NPEPPS: variants seen among roughly 807,000 people sequenced by gnomAD.
NPEPPS encodes the protein puromycin-sensitive aminopeptidase.
In NPEPPS, 14 loss-of-function variants were observed where a neutral mutation model predicts 115.5. That is an observed-to-expected ratio of 0.12 (90% CI 0.08 to 0.19). NPEPPS has a LOEUF of 0.19. Among genes scored for constraint, NPEPPS ranks in the 10% least tolerant of loss-of-function variants. The pLI is 1.00. For missense variants in NPEPPS, 523 were observed against 1,110.8 expected (o/e 0.47, Z 7.52); for synonymous variants, 285 against 390.6 (o/e 0.73, Z 3.19).
intron 1 of NPEPPS, 116 bp from the exon 2 acceptor site, chr17:47,545,793 T>C: frequency 6.8e-7 from 1 of 1,466,626 alleles, no homozygotes; most frequent in Non-Finnish European, 9.2e-7. Context: ...GCGATCCTCT[T>C]TGCTTGGCCT....
chr17:47,612,045 A>G (rs1913904294), intron 17 of NPEPPS, among the ~76,000 whole-genome samples: 2 of 152,164 alleles, frequency 1.3e-5, no homozygotes, highest in East Asian at 3.8e-4. Context: ...GACCCATCAG[A>G]TTTTGATTTT....
At chr17:47,621,491 T>TGGA (rs1164452200) in intron 22 of NPEPPS, among the ~76,000 whole-genome samples, 1 of 152,202 alleles carries the variant, frequency 6.6e-6, no homozygotes, top group East Asian at 1.9e-4. Context: ...CCAAAGACTA[T>TGGA]ATTTACCACT....
intron 4 of NPEPPS, chr17:47,580,420 A>G (rs1293462225): frequency 3.9e-5 from 6 of 152,110 alleles, no homozygotes; most frequent in Admixed American, 3.9e-4. Context: ...TTTTAGGAGA[A>G]GGTATGTGGG....
chr17:47,563,287 C>G (rs1910568671), intron 2 of NPEPPS, among the ~76,000 whole-genome samples: 1 of 152,084 alleles, frequency 6.6e-6, no homozygotes, highest in Admixed American at 6.6e-5. Context: ...CCATCTTGAC[C>G]TCCCAAAGTC....
chr17:47,527,932 G>T (rs1440871015), upstream of NPEPPS, among the ~76,000 whole-genome samples: 1 of 146,148 alleles, frequency 6.8e-6, no homozygotes, highest in Non-Finnish European at 1.5e-5. Context: ...TGGGCAACAA[G>T]ATCGAAACTC....
At chr17:47,535,368 A>G (rs1467860475) in intron 1 of NPEPPS, among the ~76,000 whole-genome samples, 1 of 146,442 alleles carries the variant, frequency 6.8e-6, no homozygotes, top group Admixed American at 6.9e-5. Flanking sequence ...TGGCTAACCC[A>G]GTGAAACCCC....
At chr17:47,538,042 C>T (rs1183895291) in intron 1 of NPEPPS, among the ~76,000 whole-genome samples, 2 of 149,234 alleles carry the variant, frequency 1.3e-5, no homozygotes, top group Non-Finnish European at 3.0e-5. Flanking sequence ...TACAGGCATG[C>T]ACCACCACGC....
At chr17:47,534,372 C>T (rs1908041828) in intron 1 of NPEPPS, among the ~76,000 whole-genome samples, 1 of 152,132 alleles carries the variant, frequency 6.6e-6, no homozygotes, top group Non-Finnish European at 1.5e-5. Context: ...AGCCACTGTG[C>T]CCGGCGACAA....
chr17:47,599,784 A>G, intron 14 of NPEPPS, 45 bp downstream of exon 14: 1 of 1,396,522 alleles, frequency 7.2e-7, no homozygotes, highest in Non-Finnish European at 9.9e-7. Context: ...GAATTTGGAT[A>G]TTAACTAATA....
At chr17:47,542,729 G>A (rs1597817200) in intron 1 of NPEPPS, among the ~76,000 whole-genome samples, 1 of 152,050 alleles carries the variant, frequency 6.6e-6, no homozygotes, top group Non-Finnish European at 1.5e-5. Context: ...GTGATTTAGG[G>A]CATCTGTGTT....
rs191066631 is a variant in NPEPPS, at chr17:47,613,586, A to G, written c.2239-83A>G. The G allele has an allele frequency of 8.7e-4, 1,018 of 1,166,974 alleles. 3 individuals carry two copies. The African/African-American group carries it at 0.012, about 13-fold the overall frequency. 72.3% of individuals were successfully genotyped at this position (1,166,974 alleles called of 1,614,324 possible). On this transcript the variant is annotated intron_variant, in intron 18 of 22. Coordinates refer to ENST00000322157, the MANE Select transcript of NPEPPS (RefSeq NM_006310.4). ...CCGGCCAACATTTACAATATTGTTT[A>G]CTTGCTTTCTGTCTTTTCTTAGTAT...
intron 9 of NPEPPS, among the ~76,000 whole-genome samples, chr17:47,590,456 CAAAA>C (rs59183684): frequency 7.4e-6 from 1 of 136,000 alleles, no homozygotes; most frequent in African/African-American, 2.8e-5. Context: ...GACTTTGTCT[CAAAA>C]AAAAAAAAAA....
chr17:47,560,891 G>T (rs1285075927), intron 2 of NPEPPS, among the ~76,000 whole-genome samples: 8 of 152,142 alleles, frequency 5.3e-5, no homozygotes, highest in Non-Finnish European at 1.2e-4. Context: ...GGGCTATATA[G>T]AATTATGTGG....
intron 12 of NPEPPS, among the ~76,000 whole-genome samples, chr17:47,595,081 C>T (rs1450098254): frequency 6.6e-6 from 1 of 152,136 alleles, no homozygotes; most frequent in South Asian, 2.1e-4. Flanking sequence ...CAGGTGTGTG[C>T]CACCATGCCC....
At chr17:47,572,052 C>G (rs1472701923) in intron 3 of NPEPPS, among the ~76,000 whole-genome samples, 3 of 152,096 alleles carry the variant, frequency 2.0e-5, no homozygotes, top group Non-Finnish European at 2.9e-5. Flanking sequence ...CAGCCACTCT[C>G]TGTATCATGC....
Position 47,582,383 on chromosome 17 carries a change from T to C in NPEPPS, c.541-359T>C, listed in dbSNP as rs376251717. On this transcript the variant is annotated intron_variant, in intron 4 of 22. Transcript: ENST00000322157. Reference sequence around the variant, plus strand: ...GCAACTTACCATGTTTTCCCAACTTTGAATTCTTATAGCATACTCTTTACT... The same window carrying C: ...GCAACTTACCATGTTTTCCCAACTTCGAATTCTTATAGCATACTCTTTACT... 7.3e-4 allele frequency: 153 copies of C among 209,812 alleles called. 2 individuals carry two copies. In the South Asian group the frequency reaches 9.7e-3, roughly 13 times the overall value. 13.0% of individuals were successfully genotyped at this position (209,812 alleles called of 1,614,324 possible).
chr17:47,603,222 G>A (rs901941773), intron 15 of NPEPPS, among the ~76,000 whole-genome samples: 2 of 152,090 alleles, frequency 1.3e-5, no homozygotes, highest in Non-Finnish European at 2.9e-5. Flanking sequence ...GACCAGCCTG[G>A]CCAACACGGT....
chr17:47,527,902 C>G (rs1014059730), upstream of NPEPPS, among the ~76,000 whole-genome samples: 11 of 147,112 alleles, frequency 7.5e-5, no homozygotes, highest in Admixed American at 5.5e-4. Flanking sequence ...GAGCCAATAT[C>G]ATGCCATTGC....
rs528778958 is a variant in NPEPPS, at chr17:47,567,222, C to T, written c.341-2195C>T. On this transcript the variant is annotated intron_variant, in intron 2 of 22. Coordinates refer to ENST00000322157, the MANE Select transcript of NPEPPS (RefSeq NM_006310.4). ...TTAACTTTATATGTCTCATTTTCTTCATCTGTAAAATGAGGAAGATTTGAT... is the reference window on the plus strand; with the variant it reads ...TTAACTTTATATGTCTCATTTTCTTTATCTGTAAAATGAGGAAGATTTGAT... 4.4e-4 allele frequency among the ~76,000 whole-genome samples: 67 copies of T among 152,276 alleles called. 2 individuals carry two copies. The South Asian group carries it at 5.8e-3, about 13-fold the overall frequency.
Sources: gnomAD v4.1 joint callset for allele counts (sites outside exome capture counted in the v4.1 genomes callset) on GRCh38, gnomAD v4.1.1 for gene constraint, MANE v1.5 for transcripts, NCBI Gene and HGNC (gene_info 2026-07-23, HGNC 2026-07-21) for gene names.